Variants in NOS3 observed in about 807,000 individuals in gnomAD.
The protein encoded by NOS3 is NOS type III.
A neutral mutation model predicts 144.9 loss-of-function variants in NOS3; 98 were observed. That is an observed-to-expected ratio of 0.68 (90% confidence interval 0.57 to 0.80). The LOEUF (loss-of-function observed/expected upper bound fraction) is 0.80, where lower values mean the gene tolerates loss of function less well. NOS3 is among the 30% of genes least tolerant of loss of function. The pLI is 0.00. For missense variants in NOS3, 1,465 were observed against 1,656.4 expected (o/e 0.88, Z 2.01); for synonymous variants, 714 against 702.4 (o/e 1.02, Z -0.26).
rs1451394997 is a variant in NOS3 at position 151,013,874 on chromosome 7, G to A, written c.3406G>A (p.Asp1136Asn). ...GCAGCGCATCCTGGCGACGGAGGGC[G>A]ACATGGAGCTGGACGAGGCCGGCGA... is the stretch of plus-strand genomic sequence containing the variant. ...TVQRILATEG[D>N]MELDEAGDVI... Residue 1136 changes from aspartate to asparagine, a missense_variant, in exon 26 of 27, where the codon GAC becomes AAC. Around this residue, in one of 5 missense-constraint regions of NOS3, gnomAD observed 228 missense variants for 227.7 expected, o/e 1.00. Coordinates refer to ENST00000297494, the MANE Select transcript of NOS3 (RefSeq NM_000603.5). The A allele has an allele frequency of 1.2e-6, 2 of 1,603,140 alleles. No individual in the cohort carries two copies. The highest frequency in any genetic ancestry group is 8.5e-7 in the Non-Finnish European group (1 of 1,175,342).
In NOS3 at chr7:151,013,774, C is replaced by T; in HGVS notation, c.3306C>T (p.Arg1102=). ...LRTELAAEVH[R]VLCLERGHMF... ...CGGAGCTGGCTGCGGAGGTGCACCG[C>T]GTGCTGTGCCTCGAGCGGGGCCACA... Residue 1102 remains arginine (R), a synonymous_variant, in exon 26 of 27, where the codon CGC becomes CGT. Coordinates refer to ENST00000297494, the MANE Select transcript of NOS3 (RefSeq NM_000603.5). 6.2e-7 allele frequency: 1 copy of T among 1,611,558 alleles called. No individual in the cohort carries two copies. Among genetic ancestry groups the T allele is most frequent in the South Asian group, 1.1e-5 (1 of 90,754 alleles).
At chr7:151,013,685 AC>A in intron 25 of NOS3, 38 bp from the exon 26 acceptor site, 2 of 702,370 alleles carry the variant, frequency 2.8e-6, no homozygotes. Flanking sequence ...CCCCGCGCCC[AC>A]CCCCACCAGG....
At chr7:151,007,347 A>AT in intron 17 of NOS3, 71 bp downstream of exon 17, 1 of 1,458,590 alleles carries the variant, frequency 6.9e-7, no homozygotes, top group South Asian at 1.3e-5. Flanking sequence ...CTCTGCCCTG[A>AT]TTCTGTTTGG....
rs1009869286 is a variant in NOS3 at position 151,003,554 on chromosome 7, G to T, written c.1752+1250G>T. On this transcript the variant is annotated intron_variant, in intron 14 of 26. Coordinates refer to ENST00000297494, the MANE Select transcript of NOS3 (RefSeq NM_000603.5). The surrounding 1 kb of genome is among the most constrained non-coding windows in gnomAD (Gnocchi z 4.1). Reference sequence around the variant, plus strand: ...GCAATTGACTTTTTTTTAGCATAAAGGTGTATAGACACCCATATAACCTAC... The same window carrying T: ...GCAATTGACTTTTTTTTAGCATAAATGTGTATAGACACCCATATAACCTAC... The T allele has an allele frequency of 6.9e-6, 9 of 1,297,626 alleles. No individual in the cohort carries two copies. Among genetic ancestry groups the T allele is most frequent in the East Asian group, 5.6e-5 (1 of 17,926 alleles). The allele number at this position is 1,297,626 out of a possible 1,614,324, so 80.4% of individuals were successfully genotyped here. A position where few individuals can be genotyped will look rare whatever the true frequency, so the allele number is the denominator to read the frequency against.
rs1028900083 is a variant in NOS3, at chr7:151,003,462, C to G, written c.1752+1158C>G. On this transcript the variant is annotated intron_variant, in intron 14 of 26. Transcript: ENST00000297494. The surrounding 1 kb of genome is among the most constrained non-coding windows in gnomAD (Gnocchi z 4.1). ...AAGCAAGTTGGAATCTCGTGAAACC[C>G]TTTTTGCTGCCTTAGTGTCCGTTTC... is the stretch of plus-strand genomic sequence containing the variant. 1.4e-5 allele frequency: 17 copies of G among 1,220,748 alleles called. No individual in the cohort carries two copies. Among genetic ancestry groups the G allele is most frequent in the Non-Finnish European group, 1.8e-5 (17 of 952,192 alleles). 75.6% of individuals were successfully genotyped at this position (1,220,748 alleles called of 1,614,324 possible).
chr7:151,001,704 G>A (rs1795102700), intron 12 of NOS3, 87 bp downstream of exon 12: 1 of 1,571,600 alleles, frequency 6.4e-7, no homozygotes, highest in Non-Finnish European at 8.7e-7. Flanking sequence ...TGCCCCAGCA[G>A]TGTTCTGGGC....
chr7:151,007,238 G>A lies in NOS3; in HGVS notation c.2074G>A (p.Glu692Lys). Residue 692 changes from glutamate (E) to lysine (K), a missense_variant, in exon 17 of 27, where the codon GAG becomes AAG. This residue lies in a region of NOS3 where 745 missense variants were observed against 853.9 expected (regional missense o/e 0.87). Transcript: ENST00000297494. ...CCAGGGCGACGAGCTGTGCGGCCAG[G>A]AGGAGGCCTTCCGAGGCTGGGCCCA... The part of the protein sequence containing the change: ...LGQGDELCGQ[E>K]EAFRGWAQAA... The A allele has an allele frequency of 6.2e-7, 1 of 1,607,204 alleles. No homozygotes were observed.
rs373204732 is a variant in NOS3, at chr7:150,998,871, A to G, written c.817-75A>G. ...GAGGGACCCTGGAGATGAAGGCAGGAGACAGTGGATGGAGGGGTCCCTGAG... is the reference window on the plus strand; with the variant it reads ...GAGGGACCCTGGAGATGAAGGCAGGGGACAGTGGATGGAGGGGTCCCTGAG... On this transcript the variant is annotated intron_variant, in intron 7 of 26. Coordinates refer to ENST00000297494, the MANE Select transcript of NOS3 (RefSeq NM_000603.5). The surrounding 1 kb of genome is among the most constrained non-coding windows in gnomAD (Gnocchi z 5.0). 272 of 1,543,264 alleles carry G rather than the reference A, an allele frequency of 1.8e-4. 3 individuals carry two copies. In the East Asian group the frequency reaches 3.6e-3, roughly 21 times the overall value.
chr7:151,012,419 T>C lies in NOS3; in HGVS notation c.3053T>C (p.Ile1018Thr), dbSNP rs767050243. ...ATCCTGGTGGGTCCAGGCACTGGCATTGCCCCCTTCCGGGGATTCTGGCAG... is the reference window on the plus strand; with the variant it reads ...ATCCTGGTGGGTCCAGGCACTGGCACTGCCCCCTTCCGGGGATTCTGGCAG... ...PCILVGPGTGIAPFRGFWQER... is the reference protein window; with the variant it reads ...PCILVGPGTGTAPFRGFWQER... Residue 1018 changes from isoleucine (I) to threonine (T), a missense_variant, in exon 24 of 27, where the codon ATT becomes ACT. Physicochemically the swap from Ile to Thr is moderately conservative, Grantham distance 89. Transcript: ENST00000297494. The C allele has an allele frequency of 4.4e-6, 7 of 1,608,996 alleles. No individual in the cohort carries two copies. Among genetic ancestry groups the C allele is most frequent in the Non-Finnish European group, 5.1e-6 (6 of 1,178,264 alleles).
chr7:151,013,495 GC>G, intron 25 of NOS3, 116 bp downstream of exon 25: 2 of 1,342,900 alleles, frequency 1.5e-6, no homozygotes, highest in Non-Finnish European at 2.0e-6. Context: ...CGACCACTCA[GC>G]CACCCCTGCA....
intron 1 of NOS3, among the ~76,000 whole-genome samples, chr7:150,992,605 C>T (rs1802276354): frequency 1.3e-5 from 2 of 152,180 alleles, no homozygotes; most frequent in Admixed American, 6.5e-5. Flanking sequence ...CCGTTCCTTC[C>T]GCCTGCCGGC....
chr7:150,997,941 C>G lies in NOS3; in HGVS notation c.583-416C>G, dbSNP rs905106109. 7.2e-5 allele frequency among the ~76,000 whole-genome samples: 11 copies of G among 152,202 alleles called. No individual in the cohort carries two copies. The South Asian group carries it at 1.2e-3, about 17-fold the overall frequency. On this transcript the variant is annotated intron_variant, in intron 5 of 26. Transcript: ENST00000297494. ...GGGTCCTAGGAGGCCTCTGGTGCAGCCTTCCCTTCCCACCATCCATGTGCT... is the reference window on the plus strand; with the variant it reads ...GGGTCCTAGGAGGCCTCTGGTGCAGGCTTCCCTTCCCACCATCCATGTGCT...
At position 151,010,618 on chromosome 7, in the gene NOS3, T is replaced by A; in HGVS notation, c.2707T>A (p.Trp903Arg). 6.3e-7 allele frequency: 1 copy of A among 1,599,102 alleles called. No individual in the cohort carries two copies. ...LSQDPRRYEE[W>R]KWFRCPTLLE... ...CCAGGATCCCCGACGCTACGAGGAG[T>A]GGAAGTGGTTCCGCTGCCCCACGCT... Residue 903 changes from tryptophan (W) to arginine (R), a missense_variant, in exon 22 of 27, where the codon TGG becomes AGG. Transcript: ENST00000297494.
chr7:151,009,647 C>G, intron 20 of NOS3, 62 bp downstream of exon 20: 1 of 1,401,318 alleles, frequency 7.1e-7, no homozygotes, highest in South Asian at 1.4e-5. Context: ...CACCCCCGGC[C>G]CCAGGCCTCC....
intron 21 of NOS3, 119 bp downstream of exon 21, chr7:151,010,406 G>A (rs1795279743): frequency 1.8e-6 from 2 of 1,084,466 alleles, no homozygotes; most frequent in Admixed American, 2.8e-5. Flanking sequence ...TGGCCGACAT[G>A]CACTGGTGCT....
In NOS3 at chr7:150,992,991, C is replaced by T. The variant is rs2070744; in HGVS notation, c.-51-762C>T. Among the ~76,000 whole-genome samples the T allele has an allele frequency of 0.7, 106,489 of 152,046 alleles. 38,247 individuals are homozygous for T. Among genetic ancestry groups the T allele is most frequent in the East Asian group, 0.89 (4,571 of 5,138 alleles). ...CCAGGGCATCAAGCTCTTCCCTGGC[C>T]GGCTGACCCTGCCTCAGCCCTAGTC... On this transcript the variant is annotated intron_variant, in intron 1 of 26. Transcript: ENST00000297494.
chr7:151,004,648 T>C (rs1178703239), intron 14 of NOS3, among the ~76,000 whole-genome samples: 3 of 152,042 alleles, frequency 2.0e-5, no homozygotes, highest in African/African-American at 7.3e-5. Context: ...CAGGTGAATC[T>C]CAAAAAATGT....
intron 14 of NOS3, among the ~76,000 whole-genome samples, chr7:151,005,575 TC>T (rs1262413614): frequency 2.6e-5 from 4 of 152,116 alleles, no homozygotes; most frequent in Non-Finnish European, 4.4e-5. Flanking sequence ...AGCTGTGCCC[TC>T]CCCTGCAGCT....
In NOS3 at chr7:150,995,274, G is replaced by A. The variant is rs976694454; in HGVS notation, c.230G>A (p.Gly77Glu). 1.2e-6 allele frequency: 2 copies of A among 1,611,568 alleles called. No homozygotes were observed. The highest frequency in any genetic ancestry group is 2.2e-5 in the South Asian group (2 of 91,056). Residue 77 changes from glycine (G) to glutamate (E), a missense_variant, in exon 3 of 27, where the codon GGG (glycine) becomes GAG (glutamate). By Grantham distance (98) the Gly-to-Glu change is moderately conservative (BLOSUM62 -2). Around this residue, in one of 5 missense-constraint regions of NOS3, gnomAD observed 374 missense variants for 377.0 expected, o/e 0.99. Transcript: ENST00000297494. ...CCTCGTGTGAAGAACTGGGAGGTGG[G>A]GAGCATCACCTATGACACCCTCAGC... ...KFPRVKNWEV[G>E]SITYDTLSAQ... is the part of the protein sequence containing the mutation.
Sources: gnomAD v4.1 joint callset for allele counts (sites outside exome capture counted in the v4.1 genomes callset) on GRCh38, gnomAD v4.1.1 for gene constraint, gnomAD v4.1.1 regional missense constraint, Gnocchi (gnomAD v3.1) non-coding constraint, MANE v1.5 for transcripts, NCBI Gene and HGNC (gene_info 2026-07-23, HGNC 2026-07-21) for gene names.